Variants in UNC13C observed in about 807,000 individuals in gnomAD.
UNC13C encodes the protein protein unc-13 homolog C.
Under a neutral mutation model 245.4 loss-of-function variants are expected in UNC13C, and 174 were observed. That is an observed-to-expected ratio of 0.71 (90% CI 0.63 to 0.80). The LOEUF is 0.80. Among genes scored for constraint, UNC13C ranks in the 30% least tolerant of loss-of-function variants. The pLI is 0.00. For synonymous variants in UNC13C, 992 were observed against 895.1 expected (o/e 1.11, Z -1.93); for missense variants, 2,829 against 2,602.9 (o/e 1.09, Z -1.89).
chr15:54,209,878 T>G (rs918554434), intron 4 of UNC13C, among the ~76,000 whole-genome samples: 1 of 152,102 alleles, frequency 6.6e-6, no homozygotes, highest in Non-Finnish European at 1.5e-5. Context: ...TAGGTTGAAA[T>G]AAATAAGATA....
At chr15:54,354,921 C>T (rs141806067) in intron 17 of UNC13C, among the ~76,000 whole-genome samples, 2 of 152,148 alleles carry the variant, frequency 1.3e-5, no homozygotes, top group African/African-American at 4.8e-5. Flanking sequence ...GATTGGGCCA[C>T]AAGGGCTCTG....
the UNC13C span, among the ~76,000 whole-genome samples, chr15:53,893,025 T>C: frequency 6.6e-6 from 1 of 152,306 alleles, no homozygotes; most frequent in South Asian, 2.1e-4. Context: ...CCTTTGGTCT[T>C]TGATGTTGGT....
chr15:53,969,601 G>C, the UNC13C span, among the ~76,000 whole-genome samples: 1 of 150,514 alleles, frequency 6.6e-6, no homozygotes, highest in Non-Finnish European at 1.5e-5. Flanking sequence ...CAGGAGGGTT[G>C]CTTGAGCATA....
chr15:54,447,686 G>A (rs1459756830), intron 19 of UNC13C, among the ~76,000 whole-genome samples: 1 of 151,902 alleles, frequency 6.6e-6, no homozygotes, highest in African/African-American at 2.4e-5. Flanking sequence ...ACTCTTGCTA[G>A]TGGTCTATCA....
chr15:54,141,940 A>G (rs917438329), intron 2 of UNC13C, among the ~76,000 whole-genome samples: 3 of 152,144 alleles, frequency 2.0e-5, no homozygotes, highest in Non-Finnish European at 2.9e-5. Flanking sequence ...GTCATCATTG[A>G]GCTACATGAC....
At chr15:54,312,417 T>G (rs2037897680) in intron 13 of UNC13C, among the ~76,000 whole-genome samples, 1 of 151,708 alleles carries the variant, frequency 6.6e-6, no homozygotes, top group Admixed American at 6.6e-5. Context: ...TCTTTTAGAC[T>G]GGGGGAAAAT....
At chr15:53,969,025 T>C in the UNC13C span, among the ~76,000 whole-genome samples, 3 of 152,190 alleles carry the variant, frequency 2.0e-5, no homozygotes, top group Non-Finnish European at 2.9e-5. Context: ...ACTATTAAAG[T>C]ATTTGTGTTT....
At chr15:54,148,516 C>A (rs746576558) in intron 4 of UNC13C, among the ~76,000 whole-genome samples, 29 of 152,200 alleles carry the variant, frequency 1.9e-4, no homozygotes, top group Non-Finnish European at 2.6e-4. Context: ...GCCTACTATC[C>A]TCACACTCTC....
chr15:53,923,688 G>A, the UNC13C span, among the ~76,000 whole-genome samples: 3 of 152,200 alleles, frequency 2.0e-5, no homozygotes, highest in Non-Finnish European at 4.4e-5. Flanking sequence ...AGTGCACAGA[G>A]AGCATGGGAT....
chr15:54,581,498 A>G (rs983613374), intron 30 of UNC13C, among the ~76,000 whole-genome samples: 2 of 152,216 alleles, frequency 1.3e-5, no homozygotes, highest in African/African-American at 2.4e-5. Context: ...ACAGCCTTCT[A>G]CTTGCTGTGT....
intron 17 of UNC13C, among the ~76,000 whole-genome samples, chr15:54,348,499 CAAA>C (rs889205549): frequency 2.0e-5 from 3 of 152,074 alleles, no homozygotes; most frequent in African/African-American, 4.8e-5. Flanking sequence ...AAAATTCTAT[CAAA>C]AAACATCTCT....
At chr15:54,036,988 C>G (rs1896601972) in intron 2 of UNC13C, among the ~76,000 whole-genome samples, 1 of 152,186 alleles carries the variant, frequency 6.6e-6, no homozygotes. Flanking sequence ...GGCAGGAATG[C>G]CAAGAAAATG....
chr15:54,206,407 C>T lies in UNC13C; in HGVS notation c.3072-28623C>T, dbSNP rs1002028714. Among the ~76,000 whole-genome samples the T allele has an allele frequency of 3.3e-5, 5 of 152,030 alleles. No individual in the cohort carries two copies. The East Asian group carries it at 5.8e-4, about 18-fold the overall frequency. On this transcript the variant is annotated intron_variant, in intron 4 of 32. Coordinates refer to ENST00000260323, the MANE Select transcript of UNC13C (RefSeq NM_001080534.3). ...ATTGGAATTATTCTGAAATCAGCTC[C>T]ACCTTCTTGAAGTAGTTCAGGGAGA...
intron 10 of UNC13C, among the ~76,000 whole-genome samples, chr15:54,288,858 G>A (rs1262947720): frequency 6.6e-6 from 1 of 152,016 alleles, no homozygotes; most frequent in Admixed American, 6.6e-5. Context: ...TGGCTCCTCT[G>A]TTCTGATCAA....
chr15:54,236,764 A>G (rs1243172833), intron 6 of UNC13C, among the ~76,000 whole-genome samples: 3 of 152,208 alleles, frequency 2.0e-5, no homozygotes, highest in African/African-American at 7.2e-5. Context: ...ATTCTTACTC[A>G]GGTGTATGCT....
At chr15:54,632,672 A>T (rs1240247876), downstream of UNC13C, 1 of 152,182 alleles carries the variant, frequency 6.6e-6, no homozygotes, top group African/African-American at 2.4e-5. Flanking sequence ...CTTCATCATA[A>T]ATCAATTGAC....
chr15:53,893,421 A>G, the UNC13C span, among the ~76,000 whole-genome samples: 1 of 152,188 alleles, frequency 6.6e-6, no homozygotes, highest in East Asian at 1.9e-4. Flanking sequence ...GCTGTGAGGC[A>G]GGAATGTTTA....
intron 17 of UNC13C, among the ~76,000 whole-genome samples, chr15:54,356,775 G>A (rs140513819): frequency 3.5e-4 from 54 of 152,232 alleles, no homozygotes; most frequent in South Asian, 1.4e-3. Context: ...CATTCAGACC[G>A]TAGTCATTGT....
the UNC13C span, among the ~76,000 whole-genome samples, chr15:53,925,442 A>C: frequency 1.1e-4 from 17 of 152,122 alleles, no homozygotes; most frequent in African/African-American, 3.9e-4. Context: ...TCTCTGTAGC[A>C]GTTAGCATTG....
Sources: allele counts gnomAD v4.1 joint callset (sites outside exome capture counted in the v4.1 genomes callset), GRCh38; gene constraint gnomAD v4.1.1; transcripts MANE v1.5; gene names NCBI Gene and HGNC (gene_info 2026-07-23, HGNC 2026-07-21).